The following KLHL38 variants were observed in gnomAD, a reference collection of about 807,000 sequenced individuals.
KLHL38 encodes the protein kelch-like protein 38.
A neutral mutation model predicts 39.6 loss-of-function variants in KLHL38; 38 were observed. The ratio of observed to expected loss-of-function variants is 0.96; its 90% CI spans 0.74 to 1.26. The LOEUF (loss-of-function observed/expected upper bound fraction) is 1.26, where lower values mean the gene tolerates loss of function less well. Among genes scored for constraint, KLHL38 ranks in the 50% most tolerant of loss-of-function variants. The pLI is 0.00. For synonymous variants in KLHL38, 322 were observed against 302.2 expected (o/e 1.07, Z -0.68); for missense variants, 803 against 748.1 (o/e 1.07, Z -0.86).
At position 123,652,103 on chromosome 8, in the gene KLHL38, T is replaced by C; in HGVS notation, c.824A>G (p.His275Arg). The change falls in exon 2 of 4, where the codon CAT becomes CGT. Residue 275 changes from histidine (H) to arginine (R), a missense_variant. By Grantham distance (29) the His-to-Arg change is conservative. Transcript: ENST00000684634. Reference sequence around the variant, plus strand: ...TTGGTAAGAGTTTCTTGGAGGGACATGCAACAGGAGTTTGCAGTCTGGGAC... The same window carrying C: ...TTGGTAAGAGTTTCTTGGAGGGACACGCAACAGGAGTTTGCAGTCTGGGAC... ...TTVPDCKLLL[H>R]VPPRNSYQDF... 1 of 1,614,200 alleles carries C rather than the reference T, an allele frequency of 6.2e-7. No individual in the cohort carries two copies. Among genetic ancestry groups the C allele is most frequent in the African/African-American group, 1.3e-5 (1 of 75,052 alleles).
chr8:123,647,486 G>A (rs986013373), intron 2 of KLHL38, among the ~76,000 whole-genome samples: 7 of 152,156 alleles, frequency 4.6e-5, no homozygotes, highest in African/African-American at 7.2e-5. Context: ...GTTCATGCCC[G>A]AAAGTCATTA....
chr8:123,646,743 T>C (rs780365021), intron 3 of KLHL38, among the ~76,000 whole-genome samples, 166 bp downstream of exon 3: 2 of 152,190 alleles, frequency 1.3e-5, no homozygotes, highest in Non-Finnish European at 2.9e-5. Context: ...AGGGAAAAAC[T>C]TCTGGATGAG....
chr8:123,645,945 G>T lies in KLHL38; in HGVS notation c.1540C>A (p.His514Asn), dbSNP rs1360696885. ...TTGTTTCCCATCACTGTGGCCCCATGGTGCATCCTCCGGTCTTTCATGTCC... is the reference window on the plus strand; with the variant it reads ...TTGTTTCCCATCACTGTGGCCCCATTGTGCATCCTCCGGTCTTTCATGTCC... ...CADMKDRRMH[H>N]GATVMGNKLY... is the part of the protein sequence containing the mutation. Residue 514 changes from histidine to asparagine, a missense_variant, in exon 4 of 4, where the codon CAT becomes AAT. By Grantham distance (68) the His-to-Asn change is moderately conservative. Coordinates refer to ENST00000684634, the MANE Select transcript of KLHL38 (RefSeq NM_001081675.3). The T allele has an allele frequency of 6.2e-7, 1 of 1,614,018 alleles. No individual in the cohort carries two copies. The highest frequency in any genetic ancestry group is 1.3e-5 in the African/African-American group (1 of 74,904).
rs1183228021 is a variant in KLHL38, at chr8:123,645,457, GA to G, written c.*281del. The G allele has an allele frequency of 2.3e-6, 1 of 439,950 alleles. No individual in the cohort carries two copies. Among genetic ancestry groups the G allele is most frequent in the Non-Finnish European group, 4.0e-6 (1 of 249,218 alleles). 27.3% of individuals were successfully genotyped at this position (439,950 alleles called of 1,614,324 possible). A position where few individuals can be genotyped will look rare whatever the true frequency, so the allele number is the denominator to read the frequency against. On this transcript the variant is annotated 3_prime_UTR_variant, in exon 4 of 4. Transcript: ENST00000684634. ...ATCTCAAAAAAAAGAAAAAGAGAGA[GA>G]GAGAGAGAGAGAGAGAGAGAGACAG...
At chr8:123,646,490 T>G (rs1319870756) in intron 3 of KLHL38, among the ~76,000 whole-genome samples, 1 of 152,196 alleles carries the variant, frequency 6.6e-6, no homozygotes, top group Non-Finnish European at 1.5e-5. Context: ...AGCCAGTTAG[T>G]GACAGAGCCA....
Position 123,645,554 on chromosome 8 carries a change from G to C in KLHL38, c.*185C>G, listed in dbSNP as rs1037293446. ...GATGGAGGTGGGGGAGAGAGATAAGGAGAGAGGCAGAGAAGGAGAGAGAGA... is the reference window on the plus strand; with the variant it reads ...GATGGAGGTGGGGGAGAGAGATAAGCAGAGAGGCAGAGAAGGAGAGAGAGA... On this transcript the variant is annotated 3_prime_UTR_variant, in exon 4 of 4. Transcript: ENST00000684634. 1 of 611,984 alleles carries C rather than the reference G, an allele frequency of 1.6e-6. No individual in the cohort carries two copies. Among genetic ancestry groups the C allele is most frequent in the Non-Finnish European group, 2.9e-6 (1 of 347,014 alleles). The allele number at this position is 611,984 out of a possible 1,614,324, so 37.9% of individuals were successfully genotyped here. A position where few individuals can be genotyped will look rare whatever the true frequency, so the allele number is the denominator to read the frequency against.
In KLHL38 at chr8:123,652,333, C is replaced by T. The variant is rs1251686598; in HGVS notation, c.594G>A (p.Glu198=). 6.2e-7 allele frequency: 1 copy of T among 1,613,958 alleles called. No individual in the cohort carries two copies. The highest frequency in any genetic ancestry group is 1.7e-5 in the Admixed American group (1 of 60,034). The part of the protein sequence containing the change: ...GLCGEEEKVF[E]ALMVWIKHDL... Reference sequence around the variant, plus strand: ...CATGCTTGATCCAAACCATGAGGGCCTCAAACACCTTTTCCTCCTCCCCAC... The same window carrying T: ...CATGCTTGATCCAAACCATGAGGGCTTCAAACACCTTTTCCTCCTCCCCAC... The change falls in exon 2 of 4, where the codon GAG becomes GAA. Residue 198 remains glutamate, a synonymous_variant. Coordinates refer to ENST00000684634, the MANE Select transcript of KLHL38 (RefSeq NM_001081675.3).
At chr8:123,653,075 G>T in intron 1 of KLHL38, 148 bp from the exon 2 acceptor site, 1 of 803,206 alleles carries the variant, frequency 1.2e-6, no homozygotes, top group Non-Finnish European at 1.9e-6. Flanking sequence ...TGGATATTGT[G>T]TAGGGAAGAT....
At chr8:123,653,076 T>C in intron 1 of KLHL38, 149 bp from the exon 2 acceptor site, 1 of 796,958 alleles carries the variant, frequency 1.3e-6, no homozygotes. Context: ...GGATATTGTG[T>C]AGGGAAGATT....
rs201855392 is a variant in KLHL38, at chr8:123,652,462, G to C, written c.465C>G (p.Ala155=). 5.0e-6 allele frequency: 8 copies of C among 1,614,178 alleles called. No homozygotes were observed. In the East Asian group the frequency reaches 1.8e-4, roughly 36 times the overall value. Residue 155 remains alanine (A), a synonymous_variant, in exon 2 of 4, where the codon GCC becomes GCG. Coordinates refer to ENST00000684634, the MANE Select transcript of KLHL38 (RefSeq NM_001081675.3). ...GGAAGGACGTCAGTGCCACCTCCCT[G>C]GCTTTCTTCTTGAGGGTCTCGCAGC... The part of the protein sequence containing the change: ...ILSCETLKKK[A]REVALTSFPE...
intron 2 of KLHL38, 38 bp from the exon 3 acceptor site, chr8:123,647,052 G>A (rs1159810725): frequency 2.6e-6 from 3 of 1,155,860 alleles, no homozygotes. Context: ...GCATTTTAAA[G>A]TGAAATATTC....
rs1563591884 is a variant in KLHL38 at position 123,646,999 on chromosome 8, T to C, written c.1366A>G (p.Arg456Gly). The change falls in exon 3 of 4, where the codon AGA becomes GGA. Residue 456 changes from arginine (R) to glycine (G), a missense_variant. Arg to Gly is a moderately radical substitution (Grantham distance 125). Coordinates refer to ENST00000684634, the MANE Select transcript of KLHL38 (RefSeq NM_001081675.3). The part of the protein sequence containing the change: ...VRLIQVYHIS[R>G]NSWFKMETRM... ...GTCTCCATTTTGAACCACGAGTTTCTGGAAATGTGATAAACCTGAGGGAGA... is the reference window on the plus strand; with the variant it reads ...GTCTCCATTTTGAACCACGAGTTTCCGGAAATGTGATAAACCTGAGGGAGA... The C allele has an allele frequency of 6.2e-7, 1 of 1,607,772 alleles. No individual in the cohort carries two copies.
In KLHL38 at chr8:123,645,662, T is replaced by G. The variant is rs1587050360; in HGVS notation, c.*77A>C. ...GAGCTCTCCCTGCAGCCTTTAAGGG[T>G]TAAGCCCTTTGGAGCTGGGTTTGTG... is the stretch of plus-strand genomic sequence containing the variant. On this transcript the variant is annotated 3_prime_UTR_variant, in exon 4 of 4. Coordinates refer to ENST00000684634, the MANE Select transcript of KLHL38 (RefSeq NM_001081675.3). The G allele has an allele frequency of 6.6e-7, 1 of 1,524,426 alleles. No individual in the cohort carries two copies. The highest frequency in any genetic ancestry group is 1.2e-5 in the South Asian group (1 of 82,794). The allele number at this position is 1,524,426 out of a possible 1,614,324, so 94.4% of individuals were successfully genotyped here. A position where few individuals can be genotyped will look rare whatever the true frequency, so the allele number is the denominator to read the frequency against.
chr8:123,645,152 A>C lies in KLHL38; in HGVS notation c.*587T>G, dbSNP rs1381851987. Reference sequence around the variant, plus strand: ...AGAGACAGAAACTGAGACAGAAAGGAGACAGGCCAGGCGTGGTGGCTCACG... The same window carrying C: ...AGAGACAGAAACTGAGACAGAAAGGCGACAGGCCAGGCGTGGTGGCTCACG... On this transcript the variant is annotated 3_prime_UTR_variant, in exon 4 of 4. Coordinates refer to ENST00000684634, the MANE Select transcript of KLHL38 (RefSeq NM_001081675.3). 6.6e-6 allele frequency among the ~76,000 whole-genome samples: 1 copy of C among 151,946 alleles called. No individual in the cohort carries two copies. Among genetic ancestry groups the C allele is most frequent in the Non-Finnish European group, 1.5e-5 (1 of 67,972 alleles).
rs1431433849 is a variant in KLHL38 at position 123,651,908 on chromosome 8, A to T, written c.1019T>A (p.Met340Lys). 9.3e-6 allele frequency: 15 copies of T among 1,614,186 alleles called. No individual in the cohort carries two copies. The highest frequency in any genetic ancestry group is 1.3e-5 in the African/African-American group (1 of 75,056). Residue 340 changes from methionine (M) to lysine (K), a missense_variant, in exon 2 of 4, where the codon ATG becomes AAG. Coordinates refer to ENST00000684634, the MANE Select transcript of KLHL38 (RefSeq NM_001081675.3). Reference protein sequence around the residue: ...LHRSIYVLGGMAVSSGRSLVS... With the variant: ...LHRSIYVLGGKAVSSGRSLVS... ...CAGACTCCTCCCTGAGCTGACAGCC[A>T]TGCCCCCCAGCACATAGATGCTGCG...
rs192480525 is a variant in KLHL38 at position 123,646,684 on chromosome 8, C to T, written c.1456+225G>A. 2.0e-5 allele frequency among the ~76,000 whole-genome samples: 3 copies of T among 152,286 alleles called. No individual in the cohort carries two copies. In the East Asian group the frequency reaches 5.8e-4, roughly 29 times the overall value. On this transcript the variant is annotated intron_variant, in intron 3 of 3. Transcript: ENST00000684634. ...TACACGAGTACATTAATTATCACGA[C>T]AGCTCTGTGAGATAGGTATTATTTC...
chr8:123,647,329 A>G (rs534277651), intron 2 of KLHL38, among the ~76,000 whole-genome samples: 7 of 152,204 alleles, frequency 4.6e-5, no homozygotes, highest in Non-Finnish European at 7.4e-5. Context: ...ATGAGAAATG[A>G]AGAAACTTGG....
rs199785335 is a variant in KLHL38, at chr8:123,652,619, T to C, written c.308A>G (p.Asn103Ser). ...GGCGGCCTCCATCACGGGGAGGACA[T>C]TGTCAGTGGCAATATGTGCCTCCCC... Reference protein sequence around the residue: ...YTGEAHIATDNVLPVMEAASM... With the variant: ...YTGEAHIATDSVLPVMEAASM... Residue 103 changes from asparagine (N) to serine (S), a missense_variant, in exon 2 of 4, where the codon AAT (asparagine) becomes AGT (serine). Coordinates refer to ENST00000684634, the MANE Select transcript of KLHL38 (RefSeq NM_001081675.3). The C allele has an allele frequency of 6.2e-7, 1 of 1,614,172 alleles. No individual in the cohort carries two copies. Among genetic ancestry groups the C allele is most frequent in the East Asian group, 2.2e-5 (1 of 44,874 alleles).
chr8:123,652,453 C>T lies in KLHL38; in HGVS notation c.474G>A (p.Val158=), dbSNP rs1445439227. 1.2e-6 allele frequency: 2 copies of T among 1,614,040 alleles called. No individual in the cohort carries two copies. Among genetic ancestry groups the T allele is most frequent in the Admixed American group, 3.3e-5 (2 of 60,006 alleles). ...CETLKKKARE[V]ALTSFPEVAA... is the part of the protein sequence containing the mutation. The stretch of plus-strand genomic sequence containing the variant: ...CCACCTCTGGGAAGGACGTCAGTGC[C>T]ACCTCCCTGGCTTTCTTCTTGAGGG... Residue 158 remains valine, a synonymous_variant, in exon 2 of 4, where the codon GTG becomes GTA. Transcript: ENST00000684634.
Sources: gnomAD v4.1 joint callset for allele counts (sites outside exome capture counted in the v4.1 genomes callset) on GRCh38, gnomAD v4.1.1 for gene constraint, MANE v1.5 for transcripts, NCBI Gene and HGNC (gene_info 2026-07-23, HGNC 2026-07-21) for gene names.